The following AFG3L2 variants were observed in gnomAD, a reference collection of about 807,000 sequenced individuals.
AFG3L2 encodes the protein AFG3 like matrix AAA peptidase subunit 2.
A neutral mutation model predicts 94.5 loss-of-function variants in AFG3L2; 54 were observed. That is an observed-to-expected ratio of 0.57 (90% CI 0.46 to 0.72). The LOEUF (loss-of-function observed/expected upper bound fraction) is 0.72, where lower values mean the gene tolerates loss of function less well. AFG3L2 is among the 30% of genes least tolerant of loss of function. The probability of loss-of-function intolerance (pLI) is 0.00; values close to 1 mark genes in which losing one functional copy is unlikely to be tolerated. For missense variants in AFG3L2, 754 were observed against 994.9 expected (o/e 0.76, Z 3.26); for synonymous variants, 377 against 365.5 (o/e 1.03, Z -0.36).
chr18:12,370,856 C>A lies in AFG3L2; in HGVS notation c.285G>T (p.Glu95Asp). Residue 95 changes from glutamate to aspartate, a missense_variant, in exon 3 of 17, where the codon GAG becomes GAT. Physicochemically the swap from Glu to Asp is conservative, Grantham distance 45 (BLOSUM62 2). This residue lies in a region of AFG3L2 where 236 missense variants were observed against 214.0 expected (regional missense o/e 1.10). Transcript: ENST00000269143. ...KASEPKEVMG[E>D]KKESKPAATT... ...AATATTGTCAAAAGGTACCTTTTTTCTCTCCCATAACTTCTTTAGGTTCAC... is the reference window on the plus strand; with the variant it reads ...AATATTGTCAAAAGGTACCTTTTTTATCTCCCATAACTTCTTTAGGTTCAC... The A allele has an allele frequency of 6.3e-7, 1 of 1,579,572 alleles. No individual in the cohort carries two copies. Among genetic ancestry groups the A allele is most frequent in the Non-Finnish European group, 8.7e-7 (1 of 1,151,238 alleles).
intron 13 of AFG3L2, 47 bp from the exon 14 acceptor site, chr18:12,344,294 C>G: frequency 6.8e-7 from 1 of 1,476,176 alleles, no homozygotes; most frequent in Non-Finnish European, 9.5e-7. Context: ...TACAGTGACA[C>G]TGACATTAAA....
intron 16 of AFG3L2, among the ~76,000 whole-genome samples, chr18:12,333,282 T>C (rs1454872302): frequency 7.7e-6 from 1 of 130,578 alleles, no homozygotes; most frequent in Non-Finnish European, 1.6e-5. Flanking sequence ...ATATAGATTA[T>C]ATATAATATA....
intron 3 of AFG3L2, among the ~76,000 whole-genome samples, chr18:12,368,732 T>C (rs927048895): frequency 6.6e-6 from 1 of 151,978 alleles, no homozygotes; most frequent in Non-Finnish European, 1.5e-5. Flanking sequence ...TCCCAAGTAG[T>C]TGGGATTACA....
In AFG3L2 at chr18:12,352,928, T is replaced by C; in HGVS notation, c.1318+77A>G. The C allele has an allele frequency of 6.3e-6, 10 of 1,591,528 alleles. No individual in the cohort carries two copies. In the South Asian group the frequency reaches 8.9e-5, roughly 14 times the overall value. On this transcript the variant is annotated intron_variant, in intron 10 of 16. Transcript: ENST00000269143. ...CGAAATCACACCACTCACTTCAGCC[T>C]GGACGACAGAGTCAGACTCCATCTC...
intron 10 of AFG3L2, 118 bp from the exon 11 acceptor site, chr18:12,351,531 C>A: frequency 4.7e-6 from 4 of 851,688 alleles, no homozygotes; most frequent in Non-Finnish European, 7.7e-6. Context: ...ATTTTCTATT[C>A]ATTATCTAGT....
intron 16 of AFG3L2, among the ~76,000 whole-genome samples, chr18:12,334,164 T>C (rs568162465): frequency 3.0e-4 from 45 of 152,318 alleles, no homozygotes; most frequent in African/African-American, 8.4e-4. Flanking sequence ...CTCTTCTCCA[T>C]AGCCTCCCTA....
At chr18:12,353,514 C>CAAAAAAAAAAAA (rs71172076) in intron 9 of AFG3L2, among the ~76,000 whole-genome samples, 4 of 81,056 alleles carry the variant, frequency 4.9e-5, no homozygotes. Flanking sequence ...AATTCTGTCT[C>CAAAAAAAAAAAA]AAAAAAAAAA....
At chr18:12,348,494 A>G in intron 12 of AFG3L2, 111 bp from the exon 13 acceptor site, 1 of 816,064 alleles carries the variant, frequency 1.2e-6, no homozygotes, top group Admixed American at 2.0e-5. Flanking sequence ...AGTACAATGA[A>G]TAAAGGTTTT....
chr18:12,368,698 T>A (rs1426248543), intron 3 of AFG3L2, among the ~76,000 whole-genome samples: 1 of 152,092 alleles, frequency 6.6e-6, no homozygotes, highest in East Asian at 1.9e-4. Context: ...CCTTCCAGGT[T>A]CAAGCGATTC....
rs376256180 is a variant in AFG3L2, at chr18:12,358,778, C to T, written c.918G>A (p.Lys306=). ...CCTCACAGCCAGCCACATCTTTGAACTTCACATCAATTTCATCCTTTAAGA... is the reference window on the plus strand; with the variant it reads ...CCTCACAGCCAGCCACATCTTTGAATTTCACATCAATTTCATCCTTTAAGA... The part of the protein sequence containing the change: ...AKVLKDEIDV[K]FKDVAGCEEA... The change falls in exon 8 of 17, where the codon AAG becomes AAA. Residue 306 remains lysine, a synonymous_variant. Transcript: ENST00000269143. 6 of 1,614,254 alleles carry T rather than the reference C, an allele frequency of 3.7e-6. No individual in the cohort carries two copies. Among genetic ancestry groups the T allele is most frequent in the Non-Finnish European group, 5.1e-6 (6 of 1,180,040 alleles).
chr18:12,368,467 A>G (rs1161025576), intron 3 of AFG3L2, among the ~76,000 whole-genome samples: 2 of 152,332 alleles, frequency 1.3e-5, no homozygotes, highest in East Asian at 3.9e-4. Flanking sequence ...GGTTTTGACA[A>G]ATGGCTAAAA....
At position 12,329,428 on chromosome 18, in the gene AFG3L2, C is replaced by T. The variant is rs1907441203; in HGVS notation, c.*137G>A. On this transcript the variant is annotated 3_prime_UTR_variant, in exon 17 of 17. Transcript: ENST00000269143. Reference sequence around the variant, plus strand: ...TCTGAGGCTGAAAGGACTAAGGACTCCTTTCCCCATCATTTCAGCTGGGCC... The same window carrying T: ...TCTGAGGCTGAAAGGACTAAGGACTTCTTTCCCCATCATTTCAGCTGGGCC... 1 of 949,686 alleles carries T rather than the reference C, an allele frequency of 1.1e-6. No homozygotes were observed. The highest frequency in any genetic ancestry group is 1.6e-5 in the African/African-American group (1 of 61,940). The allele number at this position is 949,686 out of a possible 1,614,324, so 58.8% of individuals were successfully genotyped here. A position where few individuals can be genotyped will look rare whatever the true frequency, so the allele number is the denominator to read the frequency against.
chr18:12,333,042 T>TAGATTATAATCTATTATATAA (rs1568132047), intron 16 of AFG3L2, among the ~76,000 whole-genome samples: 25 of 42,730 alleles, frequency 5.9e-4, no homozygotes, highest in South Asian at 3.3e-3. Context: ...AAATATATAA[T>TAGATTATAATCTATTATATAA]CTATTATATA....
intron 14 of AFG3L2, chr18:12,342,445 T>C (rs779942814): frequency 2.0e-5 from 3 of 152,244 alleles, no homozygotes; most frequent in African/African-American, 4.8e-5. Flanking sequence ...GTTCTAGAAA[T>C]AAGTCCTTTG....
chr18:12,329,473 C>T lies in AFG3L2; in HGVS notation c.*92G>A, dbSNP rs1169033988. On this transcript the variant is annotated 3_prime_UTR_variant, in exon 17 of 17. Coordinates refer to ENST00000269143, the MANE Select transcript of AFG3L2 (RefSeq NM_006796.3). ...TGGGCCAGTGGCTGGCTAAAATCAG[C>T]GCAGCATTCCCATTCTTCTGAAAGC... 37 of 1,331,520 alleles carry T rather than the reference C, an allele frequency of 2.8e-5. No individual in the cohort carries two copies. Among genetic ancestry groups the T allele is most frequent in the South Asian group, 1.1e-4 (9 of 85,036 alleles). The allele number at this position is 1,331,520 out of a possible 1,614,324, so 82.5% of individuals were successfully genotyped here. A position where few individuals can be genotyped will look rare whatever the true frequency, so the allele number is the denominator to read the frequency against.
chr18:12,371,467 T>C (rs1241489674), intron 2 of AFG3L2, 125 bp downstream of exon 2: 5 of 773,694 alleles, frequency 6.5e-6, no homozygotes, highest in Non-Finnish European at 1.1e-5. Flanking sequence ...TGTGTTACAT[T>C]TGAAGATGAC....
intron 16 of AFG3L2, among the ~76,000 whole-genome samples, chr18:12,330,607 G>A (rs556006564): frequency 4.0e-4 from 61 of 152,062 alleles, no homozygotes; most frequent in African/African-American, 1.3e-3. Context: ...GCAAAACCCC[G>A]TCTCTACTAA....
At position 12,358,673 on chromosome 18, in the gene AFG3L2, T is replaced by C. The variant is rs753235900; in HGVS notation, c.1023A>G (p.Pro341=). 4.3e-5 allele frequency: 69 copies of C among 1,614,002 alleles called. No individual in the cohort carries two copies. The highest frequency in any genetic ancestry group is 1.9e-5 in the Non-Finnish European group (22 of 1,179,966). ...KQYQDLGAKI[P]KGAILTGPPG... is the part of the protein sequence containing the mutation. ...TTAATCTTAAATTTCATTTTACCTT[T>C]GGGATTTTTGCTCCTAGGTCTTGAT... The change falls in exon 8 of 17, where the codon CCA becomes CCG. Residue 341 remains proline (P), a synonymous_variant. Transcript: ENST00000269143.
At chr18:12,350,982 C>A in intron 12 of AFG3L2, 103 bp downstream of exon 12, 2 of 1,467,750 alleles carry the variant, frequency 1.4e-6, no homozygotes, top group South Asian at 1.2e-5. Flanking sequence ...ACTTAGGAAG[C>A]CCACAGTAAA....
Sources: gnomAD v4.1 joint callset for allele counts (sites outside exome capture counted in the v4.1 genomes callset) on GRCh38, gnomAD v4.1.1 for gene constraint, gnomAD v4.1.1 regional missense constraint, MANE v1.5 for transcripts, NCBI Gene and HGNC (gene_info 2026-07-23, HGNC 2026-07-21) for gene names.